The following TBL1X variants were observed in gnomAD, a reference collection of about 807,000 sequenced individuals.
The protein encoded by TBL1X is transducin beta like 1 X-linked.
Under a neutral mutation model 50.7 loss-of-function variants are expected in TBL1X, and 10 were observed. The observed-to-expected ratio is 0.20, with a 90% confidence interval of 0.12 to 0.33. The LOEUF (loss-of-function observed/expected upper bound fraction) is 0.33. Among genes scored for constraint, TBL1X ranks in the 10% least tolerant of loss-of-function variants. The pLI, the probability that TBL1X is intolerant of heterozygous loss-of-function variation, is 1.00. For missense variants in TBL1X, 340 were observed against 504.4 expected (o/e 0.67, Z 3.12); for synonymous variants, 190 against 214.7 (o/e 0.88, Z 1.01).
At chrX:9,589,198 A>G (rs963149674) in intron 2 of TBL1X, among the ~76,000 whole-genome samples, 1 of 111,809 alleles carries the variant, frequency 8.9e-6, no homozygotes, top group Admixed American at 9.4e-5. Flanking sequence ...TCATTATACT[A>G]TATTAGTTTT....
intron 2 of TBL1X, among the ~76,000 whole-genome samples, chrX:9,558,151 C>T (rs1480264828): frequency 1.8e-5 from 2 of 112,389 alleles, no homozygotes; most frequent in Non-Finnish European, 3.8e-5. Flanking sequence ...GTATTTTTTC[C>T]TGAAACATTA....
At chrX:9,690,722 A>C (rs1464343759) in intron 7 of TBL1X, among the ~76,000 whole-genome samples, 1 of 111,495 alleles carries the variant, frequency 9.0e-6, no homozygotes, top group Non-Finnish European at 1.9e-5. Context: ...CTAGGTTTGG[A>C]TCATGGGCTG....
chrX:9,576,850 A>G (rs189853386), intron 2 of TBL1X, among the ~76,000 whole-genome samples: 2 of 109,856 alleles, frequency 1.8e-5, no homozygotes, highest in East Asian at 5.7e-4. Flanking sequence ...AATTTTAAAA[A>G]TTAGCCGGGA....
chrX:9,658,454 T>C (rs1207841359), intron 5 of TBL1X, among the ~76,000 whole-genome samples: 1 of 110,543 alleles, frequency 9.0e-6, no homozygotes, highest in East Asian at 2.9e-4. Context: ...CTCCCCCAAA[T>C]GCTGGGGGAG....
chrX:9,550,417 G>A (rs1383623647), intron 2 of TBL1X, among the ~76,000 whole-genome samples: 1 of 112,283 alleles, frequency 8.9e-6, no homozygotes, highest in Non-Finnish European at 1.9e-5. Flanking sequence ...AGGAAAAGGT[G>A]GAATGGGGCT....
chrX:9,575,737 T>G (rs1187367445), intron 2 of TBL1X, among the ~76,000 whole-genome samples: 1 of 112,260 alleles, frequency 8.9e-6, no homozygotes, highest in Non-Finnish European at 1.9e-5. Context: ...TGTTGTTTGG[T>G]GGAGTTAAAA....
intron 2 of TBL1X, among the ~76,000 whole-genome samples, chrX:9,627,576 G>A (rs2082698988): frequency 8.9e-6 from 1 of 112,490 alleles, no homozygotes; most frequent in African/African-American, 3.2e-5. Flanking sequence ...AGAGTAACAA[G>A]ATGAAGGGGT....
chrX:9,629,851 C>T (rs777176605), intron 2 of TBL1X, among the ~76,000 whole-genome samples: 25 of 110,749 alleles, frequency 2.3e-4, no homozygotes, highest in Admixed American at 4.8e-4. Flanking sequence ...TGGAATACTT[C>T]GGGATCGCTG....
At chrX:9,658,118 T>C (rs1013451900) in intron 5 of TBL1X, among the ~76,000 whole-genome samples, 6 of 111,815 alleles carry the variant, frequency 5.4e-5, no homozygotes, top group Non-Finnish European at 1.1e-4. Flanking sequence ...TGTGACTTTG[T>C]TCCTCATTCA....
intron 3 of TBL1X, among the ~76,000 whole-genome samples, chrX:9,642,969 C>T (rs779040207): frequency 8.9e-6 from 1 of 112,268 alleles, no homozygotes; most frequent in Non-Finnish European, 1.9e-5. Context: ...GGTGAGGCTC[C>T]GAGAGGCCCA....
intron 2 of TBL1X, among the ~76,000 whole-genome samples, chrX:9,566,014 A>C (rs1331637793): frequency 8.9e-6 from 1 of 112,249 alleles, no homozygotes; most frequent in Non-Finnish European, 1.9e-5. Context: ...TTTAAAAAAA[A>C]TTTTGTACAT....
At chrX:9,542,694 T>A (rs1301390336) in intron 2 of TBL1X, among the ~76,000 whole-genome samples, 2 of 112,130 alleles carry the variant, frequency 1.8e-5, no homozygotes, top group Non-Finnish European at 3.8e-5. Context: ...AGAGGGAAAC[T>A]GGGACCCTGT....
At chrX:9,463,515 G>A (rs1449937377), upstream of TBL1X, 3 of 112,352 alleles carry the variant, frequency 2.7e-5, no homozygotes, top group Non-Finnish European at 5.6e-5. Context: ...AGCAACAGTC[G>A]TTTTGCATCA....
At position 9,501,552 on chromosome X, in the gene TBL1X, A is replaced by C. The variant is rs747767567; in HGVS notation, c.-200-228A>C. Among the ~76,000 whole-genome samples, 4 of 111,030 alleles carry C rather than the reference A, an allele frequency of 3.6e-5. No individual in the cohort carries two copies. The South Asian group carries it at 1.2e-3, about 32-fold the overall frequency. On this transcript the variant is annotated intron_variant, in intron 1 of 17. Transcript: ENST00000645353. ...CTCCACTGTTGCAGTTCAGGGAGCTAAGGCCAAAGGCTACTGCAGTGGTGG... is the reference window on the plus strand; with the variant it reads ...CTCCACTGTTGCAGTTCAGGGAGCTCAGGCCAAAGGCTACTGCAGTGGTGG...
At chrX:9,498,723 A>G (rs945435361) in intron 1 of TBL1X, among the ~76,000 whole-genome samples, 30 of 112,297 alleles carry the variant, frequency 2.7e-4, no homozygotes, top group Non-Finnish European at 1.1e-4. Context: ...GGGGAATCAC[A>G]TGCCCCCCCA....
chrX:9,467,253 CA>C (rs2081781790), intron 1 of TBL1X, among the ~76,000 whole-genome samples: 1 of 111,402 alleles, frequency 9.0e-6, no homozygotes, highest in African/African-American at 3.3e-5. Context: ...CCATCTCCAG[CA>C]GGTCCCGAGG....
chrX:9,540,804 T>C (rs1265384056), intron 2 of TBL1X, among the ~76,000 whole-genome samples: 1 of 112,324 alleles, frequency 8.9e-6, no homozygotes, highest in Non-Finnish European at 1.9e-5. Context: ...TCCAATTTAG[T>C]GACAAGCCCC....
At chrX:9,576,941 A>G (rs1221480398) in intron 2 of TBL1X, among the ~76,000 whole-genome samples, 1 of 111,068 alleles carries the variant, frequency 9.0e-6, no homozygotes, top group Non-Finnish European at 1.9e-5. Context: ...TCAAGGTTGC[A>G]GTAAGCCGTA....
chrX:9,684,192 C>T lies in TBL1X; in HGVS notation c.357+4C>T, dbSNP rs1261860306. The T allele has an allele frequency of 7.4e-6, 9 of 1,211,529 alleles. No homozygotes were observed. The highest frequency in any genetic ancestry group is 7.0e-5 in the South Asian group (4 of 56,959). On this transcript the variant is annotated splice_donor_region_variant and intron_variant, in intron 6 of 17. Transcript: ENST00000645353. ...GGCCGAGATCAGTATCAACGAGGTACGTAGCTGCTGGGCCCGGCCCCCAAA... is the reference window on the plus strand; with the variant it reads ...GGCCGAGATCAGTATCAACGAGGTATGTAGCTGCTGGGCCCGGCCCCCAAA...
Sources: allele counts gnomAD v4.1 joint callset (sites outside exome capture counted in the v4.1 genomes callset), GRCh38; gene constraint gnomAD v4.1.1; transcripts MANE v1.5; gene names NCBI Gene and HGNC (gene_info 2026-07-23, HGNC 2026-07-21).